Variants in AKAP10 observed in about 807,000 individuals in gnomAD.
AKAP10 encodes A-kinase anchoring protein 10.
In AKAP10, 24 loss-of-function variants were observed where a neutral mutation model predicts 80.8. The ratio of observed to expected loss-of-function variants is 0.30; its 90% CI spans 0.22 to 0.42. The LOEUF (loss-of-function observed/expected upper bound fraction) is 0.42, where lower values mean the gene tolerates loss of function less well. AKAP10 is among the 10% of genes least tolerant of loss of function. The pLI, the probability that AKAP10 is intolerant of heterozygous loss-of-function variation, is 1.00. For synonymous variants in AKAP10, 291 were observed against 277.7 expected (o/e 1.05, Z -0.48); for missense variants, 661 against 794.9 (o/e 0.83, Z 2.03).
intron 4 of AKAP10, among the ~76,000 whole-genome samples, chr17:19,954,112 A>C: frequency 6.6e-6 from 1 of 152,150 alleles, no homozygotes; most frequent in Non-Finnish European, 1.5e-5. Flanking sequence ...AATGACACCA[A>C]TTCTACACAA....
chr17:19,913,230 T>C (rs1367648730), intron 12 of AKAP10, among the ~76,000 whole-genome samples: 1 of 150,924 alleles, frequency 6.6e-6, no homozygotes, highest in Non-Finnish European at 1.5e-5. Flanking sequence ...CTCAGCTCAT[T>C]GCAACCTCCG....
rs201085720 is a variant in AKAP10, at chr17:19,963,836, C to A, written c.137-814G>T. ...GCTTGAATCTGGGAGGCGAAGGTTG[C>A]AGTGAGCTGAGATTGCACCACTGCC... On this transcript the variant is annotated intron_variant, in intron 2 of 14. Coordinates refer to ENST00000225737, the MANE Select transcript of AKAP10 (RefSeq NM_007202.4). Among the ~76,000 whole-genome samples the A allele has an allele frequency of 1.3e-4, 20 of 151,684 alleles. No individual in the cohort carries two copies. The East Asian group carries it at 3.9e-3, about 29-fold the overall frequency.
intron 12 of AKAP10, among the ~76,000 whole-genome samples, chr17:19,912,244 G>A (rs1043338368): frequency 2.0e-5 from 3 of 152,156 alleles, no homozygotes; most frequent in Middle Eastern, 3.4e-3. Flanking sequence ...GTGAAACCCC[G>A]TCTCTACTAA....
At chr17:19,949,811 CT>C (rs1184933488) in intron 4 of AKAP10, among the ~76,000 whole-genome samples, 1 of 149,770 alleles carries the variant, frequency 6.7e-6, no homozygotes, top group African/African-American at 2.5e-5. Context: ...GTTATTAAAT[CT>C]TTATTACATT....
Position 19,946,251 on chromosome 17 carries a change from ATATATATATATATATATATATATATTTT to A in AKAP10, c.976+1128_976+1155del, listed in dbSNP as rs2043118620. ...ATATATATATATTATATATATATAT[ATATATATATATATATATATATATATTTT>A]TTTTTTTTTTTTTTTTTTTTGGCAG... On this transcript the variant is annotated intron_variant, in intron 5 of 14. Coordinates refer to ENST00000225737, the MANE Select transcript of AKAP10 (RefSeq NM_007202.4). 2.1e-4 allele frequency among the ~76,000 whole-genome samples: 4 copies of A among 19,388 alleles called. 1 individual carries two copies. Among genetic ancestry groups the A allele is most frequent in the African/African-American group, 8.8e-4 (4 of 4,566 alleles). The allele number at this position is 19,388 out of a possible 152,430, so 12.7% of individuals were successfully genotyped here. A position where few individuals can be genotyped will look rare whatever the true frequency, so the allele number is the denominator to read the frequency against.
intron 1 of AKAP10, among the ~76,000 whole-genome samples, chr17:19,974,033 T>C (rs1399152122): frequency 6.6e-6 from 1 of 151,902 alleles, no homozygotes; most frequent in Non-Finnish European, 1.5e-5. Context: ...TGAAACCCTG[T>C]CTCCAAAAAT....
chr17:19,914,628 CA>C (rs36071856), intron 12 of AKAP10, among the ~76,000 whole-genome samples: 2,624 of 58,458 alleles, frequency 0.045, 25 homozygotes, highest in African/African-American at 0.1. Flanking sequence ...GACCCTATCT[CA>C]AAAAAAAAAA....
At chr17:19,942,690 C>G (rs942769847) in intron 5 of AKAP10, among the ~76,000 whole-genome samples, 6 of 152,044 alleles carry the variant, frequency 3.9e-5, no homozygotes, top group Admixed American at 3.9e-4. Flanking sequence ...TAAACTGCAG[C>G]GAAACAATTA....
intron 9 of AKAP10, 124 bp downstream of exon 9, chr17:19,936,162 T>C (rs1371025368): frequency 1.7e-6 from 2 of 1,160,298 alleles, no homozygotes; most frequent in Non-Finnish European, 2.4e-6. Context: ...CCTCTGCTCT[T>C]AATCACTTTG....
In AKAP10 at chr17:19,940,925, T is replaced by C. The variant is rs763810296; in HGVS notation, c.1147A>G (p.Ile383Val). The C allele has an allele frequency of 1.2e-5, 20 of 1,609,702 alleles. No homozygotes were observed. Among genetic ancestry groups the C allele is most frequent in the Non-Finnish European group, 1.6e-5 (19 of 1,178,904 alleles). Reference sequence around the variant, plus strand: ...AAGAGGGCTGACTCACAGAAGAGAATGTCAGCCAGGTAAACAGTTCCACTG... The same window carrying C: ...AAGAGGGCTGACTCACAGAAGAGAACGTCAGCCAGGTAAACAGTTCCACTG... The part of the protein sequence containing the change: ...LTSGTVYLAD[I>V]LFCESALFYF... The change falls in exon 7 of 15, where the codon ATT becomes GTT. Residue 383 changes from isoleucine (I) to valine (V), a missense_variant. Transcript: ENST00000225737.
At chr17:19,925,020 C>T (rs1348974722) in intron 10 of AKAP10, among the ~76,000 whole-genome samples, 3 of 151,968 alleles carry the variant, frequency 2.0e-5, no homozygotes, top group Non-Finnish European at 4.4e-5. Flanking sequence ...AAAAATTAGC[C>T]GGGCATGGTG....
At position 19,905,959 on chromosome 17, in the gene AKAP10, T is replaced by C. The variant is rs1246638777; in HGVS notation, c.*268A>G. The stretch of plus-strand genomic sequence containing the variant: ...CACTCTCATAAATGGGTTATTGCCA[T>C]TGGAAAACTAATAATTTTCTAGTAA... On this transcript the variant is annotated 3_prime_UTR_variant, in exon 15 of 15. Transcript: ENST00000225737. The C allele has an allele frequency of 6.4e-6, 3 of 465,972 alleles. No homozygotes were observed. The highest frequency in any genetic ancestry group is 3.9e-5 in the African/African-American group (2 of 51,806). The allele number at this position is 465,972 out of a possible 1,614,324, so 28.9% of individuals were successfully genotyped here. A position where few individuals can be genotyped will look rare whatever the true frequency, so the allele number is the denominator to read the frequency against.
At chr17:19,909,665 C>G (rs1360578542) in intron 13 of AKAP10, among the ~76,000 whole-genome samples, 1 of 152,174 alleles carries the variant, frequency 6.6e-6, no homozygotes, top group African/African-American at 2.4e-5. Flanking sequence ...TTACTGATGC[C>G]TGCTGGCTGA....
At position 19,916,637 on chromosome 17, in the gene AKAP10, TAAAAAAA is replaced by T. The variant is rs767359539; in HGVS notation, c.1834+3392_1834+3398del. 1.1e-3 allele frequency among the ~76,000 whole-genome samples: 150 copies of T among 140,690 alleles called. 4 individuals carry two copies. The South Asian group carries it at 0.031, about 29-fold the overall frequency. The allele number at this position is 140,690 out of a possible 152,430, so 92.3% of individuals were successfully genotyped here. On this transcript the variant is annotated intron_variant, in intron 12 of 14. Coordinates refer to ENST00000225737, the MANE Select transcript of AKAP10 (RefSeq NM_007202.4). ...AGCTGTCAGAGGTATGAGACCAGAT[TAAAAAAA>T]AAAAAAAATCAGGCCAGGCACGGTG...
chr17:19,920,786 T>C (rs370043064), intron 11 of AKAP10, among the ~76,000 whole-genome samples: 11 of 143,046 alleles, frequency 7.7e-5, no homozygotes, highest in African/African-American at 2.7e-4. Context: ...GAGGTTGCAG[T>C]TGCAGTGAGC....
At chr17:19,931,668 G>T in intron 10 of AKAP10, 137 bp downstream of exon 10, 1 of 1,035,860 alleles carries the variant, frequency 9.7e-7, no homozygotes, top group Non-Finnish European at 1.3e-6. Context: ...TGGGATTACA[G>T]GCACAGGCCA....
At chr17:19,909,824 T>A (rs1340551367) in intron 13 of AKAP10, 102 bp downstream of exon 13, 1 of 968,938 alleles carries the variant, frequency 1.0e-6, no homozygotes, top group Non-Finnish European at 1.6e-6. Flanking sequence ...TGTGCCATGC[T>A]GCTTAAACAT....
intron 10 of AKAP10, among the ~76,000 whole-genome samples, chr17:19,927,148 GCAACA>G (rs753635305): frequency 2.0e-5 from 3 of 152,190 alleles, no homozygotes; most frequent in East Asian, 3.9e-4. Flanking sequence ...ACCAACTTGG[GCAACA>G]CAGTAAGATC....
At chr17:19,956,555 A>G (rs925002015) in intron 4 of AKAP10, among the ~76,000 whole-genome samples, 3 of 152,230 alleles carry the variant, frequency 2.0e-5, no homozygotes, top group East Asian at 1.9e-4. Context: ...AAAAAATTCA[A>G]TAACTTTTTT....
Sources: allele counts gnomAD v4.1 joint callset (sites outside exome capture counted in the v4.1 genomes callset), GRCh38; gene constraint gnomAD v4.1.1; transcripts MANE v1.5; gene names NCBI Gene and HGNC (gene_info 2026-07-23, HGNC 2026-07-21).